PCSK5: variants seen among roughly 807,000 people sequenced by gnomAD.
The protein encoded by PCSK5 is proprotein convertase subtilisin/kexin type 5, also known as prohormone convertase 5.
PCSK5 carries 129 observed loss-of-function variants against 233.2 expected under a neutral mutation model. That is an observed-to-expected ratio of 0.55 (90% CI 0.48 to 0.64). The LOEUF is 0.64. Ranked by LOEUF, PCSK5 falls within the 30% of genes least tolerant of loss-of-function variation. The pLI, the probability that PCSK5 is intolerant of heterozygous loss-of-function variation, is 0.00. For missense variants in PCSK5, 2,076 were observed against 2,430.1 expected (o/e 0.85, Z 3.06); for synonymous variants, 825 against 879.2 (o/e 0.94, Z 1.09).
chr9:76,099,625 G>A (rs1486755575), intron 8 of PCSK5, among the ~76,000 whole-genome samples: 1 of 152,180 alleles, frequency 6.6e-6, no homozygotes, highest in Non-Finnish European at 1.5e-5. Flanking sequence ...AGTAACATCA[G>A]CCTTTTATGG....
At position 76,141,956 on chromosome 9, in the gene PCSK5, A is replaced by G. The variant is rs117161978; in HGVS notation, c.1312+7744A>G. Among the ~76,000 whole-genome samples the G allele has an allele frequency of 9.1e-4, 138 of 152,136 alleles. 3 individuals are homozygous for G. The East Asian group carries it at 0.024, about 26-fold the overall frequency. ...GAACTCGTGAACACAAAGAAGGAAC[A>G]ACACACACTGGGGCCTACTTGAGCG... is the stretch of plus-strand genomic sequence containing the variant. On this transcript the variant is annotated intron_variant, in intron 10 of 37. Transcript: ENST00000674117.
rs114321571 is a variant in PCSK5, at chr9:76,115,895, G to T, written c.1208+8544G>T. The stretch of plus-strand genomic sequence containing the variant: ...GAGTTTTGAATTGATCTAGCCTATG[G>T]CTACATTGTCTTGCCCTATAATTTT... On this transcript the variant is annotated intron_variant, in intron 9 of 37. Coordinates refer to ENST00000674117, the MANE Select transcript of PCSK5 (RefSeq NM_001372043.1). Among the ~76,000 whole-genome samples the T allele has an allele frequency of 3.3e-3, 498 of 152,088 alleles. 4 individuals carry two copies. Among genetic ancestry groups the T allele is most frequent in the African/African-American group, 0.011 (456 of 41,496 alleles).
chr9:76,089,747 T>C (rs1210582962), intron 7 of PCSK5, among the ~76,000 whole-genome samples: 1 of 152,172 alleles, frequency 6.6e-6, no homozygotes. Flanking sequence ...AATAATCACA[T>C]GATTTTAAAG....
intron 3 of PCSK5, among the ~76,000 whole-genome samples, chr9:75,999,525 G>C (rs1827174156): frequency 6.6e-6 from 1 of 152,250 alleles, no homozygotes; most frequent in Admixed American, 6.5e-5. Flanking sequence ...CGAATTAGAG[G>C]AATAGGTTGG....
intron 32 of PCSK5, among the ~76,000 whole-genome samples, chr9:76,327,766 A>G (rs1013597556): frequency 6.6e-5 from 10 of 152,192 alleles, no homozygotes; most frequent in African/African-American, 2.4e-4. Context: ...ATTGCAGGAA[A>G]GCCCTCTCTG....
chr9:76,048,433 T>A (rs1829500691), intron 5 of PCSK5, among the ~76,000 whole-genome samples: 1 of 152,214 alleles, frequency 6.6e-6, no homozygotes, highest in African/African-American at 2.4e-5. Context: ...TCTGAGCAGT[T>A]GTCTCAGGAA....
intron 3 of PCSK5, among the ~76,000 whole-genome samples, chr9:76,014,676 C>G (rs1827870948): frequency 6.6e-6 from 1 of 152,202 alleles, no homozygotes; most frequent in East Asian, 1.9e-4. Flanking sequence ...TACCGCCCTT[C>G]TGACTTCTTC....
chr9:76,221,240 A>G (rs1419051989), intron 20 of PCSK5, among the ~76,000 whole-genome samples: 1 of 152,226 alleles, frequency 6.6e-6, no homozygotes, highest in African/African-American at 2.4e-5. Flanking sequence ...GCCTGCTCAA[A>G]GTTTGTTTGT....
upstream of PCSK5, chr9:75,890,547 G>C (rs570991711): frequency 6.5e-6 from 1 of 152,696 alleles, no homozygotes; most frequent in South Asian, 2.1e-4. Context: ...CTAGGACCTC[G>C]TCAGCGCCTG....
intron 3 of PCSK5, among the ~76,000 whole-genome samples, chr9:76,015,044 A>G (rs1467391320): frequency 6.6e-6 from 1 of 152,156 alleles, no homozygotes; most frequent in African/African-American, 2.4e-5. Context: ...CTGTGATCTG[A>G]TATCTGCAAG....
intron 20 of PCSK5, among the ~76,000 whole-genome samples, chr9:76,206,741 T>A (rs1206363986): frequency 6.6e-6 from 1 of 152,246 alleles, no homozygotes; most frequent in Non-Finnish European, 1.5e-5. Context: ...CAGCTAATAA[T>A]GGCAGAGCTC....
At chr9:76,080,949 C>T (rs1022761407) in intron 7 of PCSK5, among the ~76,000 whole-genome samples, 34 of 151,782 alleles carry the variant, frequency 2.2e-4, no homozygotes, top group African/African-American at 8.0e-4. Flanking sequence ...GCTGAGTAAC[C>T]CTTACAGAAG....
chr9:76,322,505 T>C (rs1188027444), intron 31 of PCSK5, among the ~76,000 whole-genome samples: 2 of 152,182 alleles, frequency 1.3e-5, no homozygotes, highest in African/African-American at 2.4e-5. Flanking sequence ...CAAAGTATTC[T>C]CTTGGTGTGA....
chr9:76,082,309 C>A (rs1412044371), intron 7 of PCSK5, among the ~76,000 whole-genome samples: 1 of 152,194 alleles, frequency 6.6e-6, no homozygotes, highest in Non-Finnish European at 1.5e-5. Context: ...TCTTCCCAGT[C>A]AGTCCTAAAT....
intron 2 of PCSK5, among the ~76,000 whole-genome samples, chr9:75,934,218 T>C (rs1030958691): frequency 6.6e-6 from 1 of 152,052 alleles, no homozygotes; most frequent in African/African-American, 2.4e-5. Flanking sequence ...GCCTCCTCAA[T>C]AAAAATAATC....
rs1394976113 is a variant in PCSK5, at chr9:76,361,207, T to C, written c.*2285T>C. 1.3e-5 allele frequency: 2 copies of C among 152,118 alleles called. No individual in the cohort carries two copies. The highest frequency in any genetic ancestry group is 4.8e-5 in the African/African-American group (2 of 41,436). 9.4% of individuals were successfully genotyped at this position (152,118 alleles called of 1,614,324 possible). A position where few individuals can be genotyped will look rare whatever the true frequency, so the allele number is the denominator to read the frequency against. On this transcript the variant is annotated 3_prime_UTR_variant, in exon 38 of 38. Transcript: ENST00000674117. ...TAAAAATACAATAAAAATCTGGGCATGTTGGTGCACACCTGTAATCCCAGC... is the reference window on the plus strand; with the variant it reads ...TAAAAATACAATAAAAATCTGGGCACGTTGGTGCACACCTGTAATCCCAGC...
At chr9:75,914,539 A>G (rs1822896646) in intron 1 of PCSK5, among the ~76,000 whole-genome samples, 3 of 152,118 alleles carry the variant, frequency 2.0e-5, no homozygotes, top group Non-Finnish European at 4.4e-5. Flanking sequence ...GTTGGGAGCA[A>G]GAATGTCACC....
intron 1 of PCSK5, among the ~76,000 whole-genome samples, chr9:75,896,103 T>C (rs903522708): frequency 6.6e-6 from 1 of 152,210 alleles, no homozygotes; most frequent in Non-Finnish European, 1.5e-5. Context: ...CAACTCTTCA[T>C]GCTCAAGATC....
chr9:76,106,308 A>G (rs1831976780), intron 8 of PCSK5, among the ~76,000 whole-genome samples: 1 of 152,242 alleles, frequency 6.6e-6, no homozygotes, highest in Non-Finnish European at 1.5e-5. Context: ...CAAAAAATGG[A>G]TTCTTGTCCA....
Sources: allele counts gnomAD v4.1 joint callset (sites outside exome capture counted in the v4.1 genomes callset), GRCh38; gene constraint gnomAD v4.1.1; transcripts MANE v1.5; gene names NCBI Gene and HGNC (gene_info 2026-07-23, HGNC 2026-07-21).